Variants in PDCD2 observed in about 807,000 individuals in gnomAD.
PDCD2 encodes the protein uS5 assembly chaperone PDCD2.
PDCD2 carries 38 observed loss-of-function variants against 38.1 expected under a neutral mutation model. The ratio of observed to expected loss-of-function variants is 1.00; its 90% confidence interval spans 0.77 to 1.31. The LOEUF (loss-of-function observed/expected upper bound fraction) is 1.31, where lower values mean the gene tolerates loss of function less well. PDCD2 is among the 50% of genes most tolerant of loss of function. PDCD2 has a pLI of 0.00. For missense variants in PDCD2, 473 were observed against 435.7 expected (o/e 1.09, Z -0.76); for synonymous variants, 205 against 168.9 (o/e 1.21, Z -1.66).
At position 170,583,106 on chromosome 6, in the gene PDCD2, CA is replaced by C. The variant is rs769614520; in HGVS notation, c.608del (p.Met203SerfsTer14). On this transcript the variant is annotated frameshift_variant, in exon 3 of 6. Transcript: ENST00000541970. LOFTEE classifies it high-confidence loss of function. Reference protein sequence around the residue: ...EIVIETEDEIMPEVVEKEDYS... With the variant: ...EIVIETEDEIXPEVVEKEDYS... ...AATCTTCCTTTTCCACAACCTCAGGCATAATCTCATCTTCTGTTTCTATTAC... is the reference window on the plus strand; with the variant it reads ...AATCTTCCTTTTCCACAACCTCAGGCTAATCTCATCTTCTGTTTCTATTAC... 15 of 1,612,966 alleles carry C rather than the reference CA, an allele frequency of 9.3e-6. No individual in the cohort carries two copies. The highest frequency in any genetic ancestry group is 1.3e-5 in the Non-Finnish European group (15 of 1,179,206).
intron 3 of PDCD2, among the ~76,000 whole-genome samples, 155 bp from the exon 4 acceptor site, chr6:170,580,260 ACT>A (rs1381671372): frequency 6.6e-6 from 1 of 152,104 alleles, no homozygotes; most frequent in Non-Finnish European, 1.5e-5. Flanking sequence ...ACTCCATCCA[ACT>A]CTATTATATG....
chr6:170,581,559 C>T (rs1442839065), intron 3 of PDCD2: 1 of 152,944 alleles, frequency 6.5e-6, no homozygotes, highest in Non-Finnish European at 1.5e-5. Context: ...CGTTTCCTGA[C>T]CTAGTTCTGG....
chr6:170,576,179 G>A lies in PDCD2; in HGVS notation c.*1380C>T, dbSNP rs1779448311. ...TTAAGTAGCTGATAACCTCCCCATG[G>A]GAGAAACTCCATACTGCAGTTTCCC... is the stretch of plus-strand genomic sequence containing the variant. On this transcript the variant is annotated 3_prime_UTR_variant, in exon 6 of 6. Coordinates refer to ENST00000541970, the MANE Select transcript of PDCD2 (RefSeq NM_002598.4). 6.6e-6 allele frequency: 1 copy of A among 151,988 alleles called. No individual in the cohort carries two copies. The highest frequency in any genetic ancestry group is 6.6e-5 in the Admixed American group (1 of 15,264). 9.4% of individuals were successfully genotyped at this position (151,988 alleles called of 1,614,324 possible).
chr6:170,583,831 T>TACTCAAC, intron 1 of PDCD2, 84 bp from the exon 2 acceptor site: 2 of 1,028,846 alleles, frequency 1.9e-6, no homozygotes, highest in Non-Finnish European at 2.8e-6. Context: ...AAACTGAAAA[T>TACTCAAC]AACAACAACA....
intron 5 of PDCD2, 155 bp downstream of exon 5, chr6:170,578,702 C>T (rs1309057971): frequency 1.4e-6 from 1 of 710,882 alleles, no homozygotes; most frequent in Admixed American, 2.0e-5. Context: ...GGGAACTAGC[C>T]CCAAGGTGAG....
intron 4 of PDCD2, chr6:170,579,328 T>G (rs1362585949): frequency 1.1e-5 from 2 of 188,466 alleles, no homozygotes; most frequent in Non-Finnish European, 1.1e-5. Context: ...ACCTTCATAG[T>G]TAAAAAATTT....
In PDCD2 at chr6:170,580,400, GCTCA is replaced by G. The variant is rs1357637155; in HGVS notation, c.659-299_659-296del. Among the ~76,000 whole-genome samples the G allele has an allele frequency of 7.9e-5, 12 of 152,268 alleles. No homozygotes were observed. In the East Asian group the frequency reaches 2.1e-3, roughly 27 times the overall value. ...TATCATTAGTATCCTCAGCTGGTAG[GCTCA>G]CTCACTCAGTCATCAAGTGTTCATT... On this transcript the variant is annotated intron_variant, in intron 3 of 5. Transcript: ENST00000541970.
chr6:170,582,235 G>T, intron 3 of PDCD2: 1 of 1,436,892 alleles, frequency 7.0e-7, no homozygotes, highest in South Asian at 1.2e-5. Context: ...GTGAGCATCT[G>T]ACCACTGGAG....
chr6:170,584,104 G>C (rs1779724593), intron 1 of PDCD2, 195 bp downstream of exon 1: 3 of 555,720 alleles, frequency 5.4e-6, no homozygotes, highest in Admixed American at 4.1e-5. Flanking sequence ...CGTGGGCACA[G>C]TTAGAAGCTT....
In PDCD2 at chr6:170,583,723, T is replaced by A; in HGVS notation, c.308A>T (p.Lys103Ile). The A allele has an allele frequency of 6.2e-7, 1 of 1,612,596 alleles. No homozygotes were observed. The highest frequency in any genetic ancestry group is 8.5e-7 in the Non-Finnish European group (1 of 1,178,966). Residue 103 changes from lysine (K) to isoleucine (I), a missense_variant, in exon 2 of 6, where the codon AAA becomes ATA. Physicochemically the swap from Lys to Ile is moderately radical, Grantham distance 102. Coordinates refer to ENST00000541970, the MANE Select transcript of PDCD2 (RefSeq NM_002598.4). ...LRVFRNQLPR[K>I]NDFYSYEPPS... is the part of the protein sequence containing the mutation. ...TGGCTCATATGAGTAAAAATCGTTT[T>A]TCCTGGGTAGTTGATTCCTAAAAAC...
At chr6:170,582,087 G>C in intron 3 of PDCD2, 7 of 1,522,562 alleles carry the variant, frequency 4.6e-6, no homozygotes, top group Non-Finnish European at 6.1e-6. Flanking sequence ...TTATCGTATA[G>C]GCATGAACAC....
intron 4 of PDCD2, chr6:170,579,558 T>G (rs1779537064): frequency 6.4e-6 from 1 of 155,494 alleles, no homozygotes; most frequent in Non-Finnish European, 1.4e-5. Flanking sequence ...TTTAGTTTTC[T>G]TTCGTGATTT....
chr6:170,584,293 G>A lies in PDCD2; in HGVS notation c.283+6C>T, dbSNP rs1287273414. ...GGCCCCGTCCCGACCCCGTTTGGCG[G>A]CTCACCTCGCAGGCCGGCACAGCAC... On this transcript the variant is annotated splice_donor_region_variant and intron_variant, in intron 1 of 5. Transcript: ENST00000541970. 5 of 1,434,408 alleles carry A rather than the reference G, an allele frequency of 3.5e-6. No individual in the cohort carries two copies. The highest frequency in any genetic ancestry group is 3.0e-5 in the South Asian group (2 of 67,646). 88.9% of individuals were successfully genotyped at this position (1,434,408 alleles called of 1,614,324 possible).
intron 3 of PDCD2, chr6:170,582,027 T>C: frequency 7.7e-7 from 1 of 1,296,346 alleles, no homozygotes; most frequent in Non-Finnish European, 1.0e-6. Context: ...ATCCTGCTAC[T>C]CTAGGCTCTC....
Position 170,577,447 on chromosome 6 carries a change from A to C in PDCD2, c.*112T>G, listed in dbSNP as rs1779476503. On this transcript the variant is annotated 3_prime_UTR_variant, in exon 6 of 6. Coordinates refer to ENST00000541970, the MANE Select transcript of PDCD2 (RefSeq NM_002598.4). ...GTAGACACTGTGTAAGCAATCTGTCAACATCTCTGCACCTCTATTTTTGGT... is the reference window on the plus strand; with the variant it reads ...GTAGACACTGTGTAAGCAATCTGTCCACATCTCTGCACCTCTATTTTTGGT... The C allele has an allele frequency of 2.3e-6, 2 of 880,362 alleles. No individual in the cohort carries two copies. Among genetic ancestry groups the C allele is most frequent in the Admixed American group, 4.8e-5 (2 of 41,924 alleles). 54.5% of individuals were successfully genotyped at this position (880,362 alleles called of 1,614,324 possible).
chr6:170,584,059 T>C (rs777356888), intron 1 of PDCD2: 17 of 501,710 alleles, frequency 3.4e-5, no homozygotes, highest in African/African-American at 6.1e-5. Context: ...CCATACCTGG[T>C]ACCCACTGAT....
Position 170,583,639 on chromosome 6 carries a change from C to A in PDCD2, c.392G>T (p.Gly131Val), listed in dbSNP as rs779926843. 3 of 1,614,006 alleles carry A rather than the reference C, an allele frequency of 1.9e-6. No homozygotes were observed. The highest frequency in any genetic ancestry group is 1.7e-6 in the Non-Finnish European group (2 of 1,179,966). Residue 131 changes from glycine to valine, a missense_variant, in exon 2 of 6, where the codon GGT becomes GTT. Coordinates refer to ENST00000541970, the MANE Select transcript of PDCD2 (RefSeq NM_002598.4). Reference protein sequence around the residue: ...GESVCLQLKSGAHLCRVCGCL... With the variant: ...GESVCLQLKSVAHLCRVCGCL... ...GCCACAAACCCTGCAGAGATGAGCA[C>A]CAGACTTAAGCTGGAGACACACTGA... is the stretch of plus-strand genomic sequence containing the variant.
At chr6:170,582,761 G>A (rs946126576) in intron 3 of PDCD2, 17 of 1,272,150 alleles carry the variant, frequency 1.3e-5, no homozygotes, top group African/African-American at 7.6e-5. Context: ...ATCCCGACCC[G>A]AGAAACCGAT....
intron 3 of PDCD2, chr6:170,581,943 C>A: frequency 4.0e-6 from 2 of 494,444 alleles, no homozygotes; most frequent in Non-Finnish European, 6.7e-6. Context: ...ACTCCATAAT[C>A]TTAAAATACT....
Sources: allele counts gnomAD v4.1 joint callset (sites outside exome capture counted in the v4.1 genomes callset), GRCh38; gene constraint gnomAD v4.1.1; transcripts MANE v1.5; gene names NCBI Gene and HGNC (gene_info 2026-07-23, HGNC 2026-07-21).